Variants in PCM1 observed in about 807,000 individuals in gnomAD.
PCM1 encodes pericentriolar material 1, also known as pericentriolar material 1 protein.
Under a neutral mutation model 241.9 loss-of-function variants are expected in PCM1, and 157 were observed. That is an observed-to-expected ratio of 0.65 (90% CI 0.57 to 0.74). The LOEUF (loss-of-function observed/expected upper bound fraction) is 0.74, where lower values mean the gene tolerates loss of function less well. Ranked by LOEUF, PCM1 falls within the 30% of genes least tolerant of loss-of-function variation. PCM1 has a pLI of 0.00. For synonymous variants in PCM1, 1,085 were observed against 784.9 expected, an observed-to-expected ratio of 1.38 and a Z score of -6.39; for missense variants, 3,478 against 2,360.1, an observed-to-expected ratio of 1.47 and a Z score of -9.81.
chr8:17,940,104 A>C, intron 6 of PCM1: 1 of 1,578,302 alleles, frequency 6.3e-7, no homozygotes, highest in African/African-American at 1.3e-5. Context: ...CTGGTTCTGT[A>C]GCTGAGAGCA....
chr8:17,972,757 A>G (rs2077265032), intron 23 of PCM1, 70 bp downstream of exon 23: 3 of 917,656 alleles, frequency 3.3e-6, no homozygotes, highest in South Asian at 2.3e-5. Context: ...ATGTTGACAT[A>G]GATATAGTTT....
chr8:17,943,065 C>G (rs541746741), intron 6 of PCM1, among the ~76,000 whole-genome samples: 1 of 151,162 alleles, frequency 6.6e-6, no homozygotes, highest in Middle Eastern at 3.5e-3. Context: ...TTGGCAGGAG[C>G]AAAGTACTAT....
rs2092948157 is a variant in PCM1 at position 18,014,658 on chromosome 8, G to T, written c.5659G>T (p.Ala1887Ser). The T allele has an allele frequency of 6.2e-7, 1 of 1,613,570 alleles. No individual in the cohort carries two copies. The highest frequency in any genetic ancestry group is 8.5e-7 in the Non-Finnish European group (1 of 1,179,684). The change falls in exon 36 of 39, where the codon GCC becomes TCC. Residue 1887 changes from alanine (A) to serine (S), a missense_variant. Coordinates refer to ENST00000325083, the MANE Select transcript of PCM1 (RefSeq NM_006197.4). ...AGATGAGCAACCTTTAAATAGTGCT[G>T]CCCATAAGGAGTCACCTCCTACTGT... ...LEDEQPLNSA[A>S]HKESPPTVDS... is the part of the protein sequence containing the mutation.
In PCM1 at chr8:17,939,158, A is replaced by T. The variant is rs555156756; in HGVS notation, c.612+149A>T. 2.0e-3 allele frequency: 1,410 copies of T among 694,522 alleles called. 5 individuals carry two copies. The highest frequency in any genetic ancestry group is 2.7e-3 in the Non-Finnish European group (1,150 of 424,550). 43.0% of individuals were successfully genotyped at this position (694,522 alleles called of 1,614,324 possible). ...CCTCCTTTGTTAATCTGCCAGATTTACTTAAAATAGAGTAAATTTCTGTTT... is the reference window on the plus strand; with the variant it reads ...CCTCCTTTGTTAATCTGCCAGATTTTCTTAAAATAGAGTAAATTTCTGTTT... On this transcript the variant is annotated intron_variant, in intron 5 of 38. Coordinates refer to ENST00000325083, the MANE Select transcript of PCM1 (RefSeq NM_006197.4).
chr8:17,965,185 C>T (rs1052684919), intron 18 of PCM1, among the ~76,000 whole-genome samples: 2 of 152,194 alleles, frequency 1.3e-5, no homozygotes, highest in Non-Finnish European at 2.9e-5. Flanking sequence ...GTGTGCAGAG[C>T]TTCCATGGTT....
intron 8 of PCM1, 41 bp downstream of exon 8, chr8:17,950,765 C>A: frequency 1.9e-6 from 2 of 1,068,982 alleles, no homozygotes; most frequent in Non-Finnish European, 2.8e-6. Context: ...TAAAAAATCA[C>A]ATTAATTAGA....
At chr8:17,985,014 T>C (rs2082150967) in intron 24 of PCM1, among the ~76,000 whole-genome samples, 1 of 151,934 alleles carries the variant, frequency 6.6e-6, no homozygotes, top group Admixed American at 6.6e-5. Context: ...CAGCATTCAG[T>C]TTATTCTTTT....
chr8:17,998,662 A>G (rs2087925052), intron 29 of PCM1, among the ~76,000 whole-genome samples: 1 of 152,142 alleles, frequency 6.6e-6, no homozygotes, highest in East Asian at 1.9e-4. Flanking sequence ...CTCTGTAACC[A>G]CTACCTGACT....
chr8:17,985,560 C>T lies in PCM1; in HGVS notation c.4222C>T (p.His1408Tyr). 1.2e-6 allele frequency: 2 copies of T among 1,605,134 alleles called. No homozygotes were observed. The highest frequency in any genetic ancestry group is 1.7e-6 in the Non-Finnish European group (2 of 1,175,018). The change falls in exon 25 of 39, where the codon CAT (histidine) becomes TAT (tyrosine). Residue 1408 changes from histidine to tyrosine, a missense_variant. His to Tyr is a moderately conservative substitution (Grantham distance 83). Coordinates refer to ENST00000325083, the MANE Select transcript of PCM1 (RefSeq NM_006197.4). ...SRPHFLIELFHELQLLNTDYL... is the reference protein window; with the variant it reads ...SRPHFLIELFYELQLLNTDYL... ...TCCACATTTTCTTATTGAACTCTTC[C>T]ATGAGCTGCAGCTACTAAACACAGA...
chr8:17,959,982 A>C, intron 13 of PCM1, 32 bp from the exon 14 acceptor site: 2 of 1,601,724 alleles, frequency 1.2e-6, no homozygotes, highest in Non-Finnish European at 1.7e-6. Context: ...TTGAGGTATC[A>C]AGATTGTTTT....
intron 16 of PCM1, 41 bp downstream of exon 16, chr8:17,962,215 T>G (rs1161380126): frequency 6.5e-7 from 1 of 1,538,584 alleles, no homozygotes; most frequent in Non-Finnish European, 8.8e-7. Context: ...GTTAGTCTTT[T>G]GTTTTCCTTT....
chr8:17,965,452 C>T (rs1041432577), intron 18 of PCM1, among the ~76,000 whole-genome samples: 3 of 152,112 alleles, frequency 2.0e-5, no homozygotes, highest in African/African-American at 7.2e-5. Context: ...GCACAAAGAA[C>T]AGATAGATAT....
intron 28 of PCM1, among the ~76,000 whole-genome samples, chr8:17,992,335 G>A (rs2084976376): frequency 6.6e-6 from 1 of 152,098 alleles, no homozygotes. Context: ...TTTCCATAGT[G>A]GTTGTACTAG....
At chr8:17,953,225 C>T in intron 9 of PCM1, 39 bp downstream of exon 9, 1 of 1,060,380 alleles carries the variant, frequency 9.4e-7, no homozygotes, top group Non-Finnish European at 1.4e-6. Context: ...GTATAAGACA[C>T]ACAAGTATAT....
chr8:17,964,829 A>T lies in PCM1; in HGVS notation c.2855+61A>T, dbSNP rs554469545. The T allele has an allele frequency of 9.9e-5, 124 of 1,253,512 alleles. No homozygotes were observed. The East Asian group carries it at 2.7e-3, about 27-fold the overall frequency. 77.6% of individuals were successfully genotyped at this position (1,253,512 alleles called of 1,614,324 possible). A position where few individuals can be genotyped will look rare whatever the true frequency, so the allele number is the denominator to read the frequency against. ...AGAGGCTCAGGTCTTTTTGACTGAC[A>T]GCAAGCACTTCTGCAGTTCTCCAAG... On this transcript the variant is annotated intron_variant, in intron 18 of 38. Coordinates refer to ENST00000325083, the MANE Select transcript of PCM1 (RefSeq NM_006197.4).
At position 17,985,992 on chromosome 8, in the gene PCM1, GA is replaced by G; in HGVS notation, c.4320del (p.Gly1441GlufsTer4). The G allele has an allele frequency of 6.3e-7, 1 of 1,584,998 alleles. No individual in the cohort carries two copies. Among genetic ancestry groups the G allele is most frequent in the Non-Finnish European group, 8.6e-7 (1 of 1,159,106 alleles). ...ATCCAGACATATTTCTGAGAGCCAT[GA>G]AAAAGGAGAAAATGTAAAGTCAGTA... ...IVSRHISESH[E>X]KGENVKSVNS... On this transcript the variant is annotated frameshift_variant, in exon 26 of 39. Coordinates refer to ENST00000325083, the MANE Select transcript of PCM1 (RefSeq NM_006197.4). LOFTEE classifies it high-confidence loss of function.
intron 29 of PCM1, among the ~76,000 whole-genome samples, chr8:18,001,930 G>T (rs1187964722): frequency 2.2e-5 from 3 of 133,512 alleles, no homozygotes; most frequent in African/African-American, 8.0e-5. Context: ...ACGTAGCCTT[G>T]TTCTGGGCAA....
chr8:17,950,842 C>G (rs933945212), intron 8 of PCM1, 118 bp downstream of exon 8: 75 of 675,242 alleles, frequency 1.1e-4, no homozygotes, highest in Non-Finnish European at 1.6e-4. Flanking sequence ...GTGTAGGTTT[C>G]TGATTGGTGG....
chr8:17,970,179 T>A (rs2076362564), intron 22 of PCM1, among the ~76,000 whole-genome samples: 1 of 152,148 alleles, frequency 6.6e-6, no homozygotes, highest in Non-Finnish European at 1.5e-5. Flanking sequence ...AAACAACTTT[T>A]GTCTCATAAG....
Sources: gnomAD v4.1 joint callset for allele counts (sites outside exome capture counted in the v4.1 genomes callset) on GRCh38, gnomAD v4.1.1 for gene constraint, MANE v1.5 for transcripts, NCBI Gene and HGNC (gene_info 2026-07-23, HGNC 2026-07-21) for gene names.